MYCBP2: variants seen among roughly 807,000 people sequenced by gnomAD.
MYCBP2 encodes the protein MYC binding protein 2.
MYCBP2 carries 120 observed loss-of-function variants against 525.3 expected under a neutral mutation model. The observed-to-expected ratio is 0.23, with a 90% CI of 0.20 to 0.27. The LOEUF is 0.27. Ranked by LOEUF, MYCBP2 falls within the 10% of genes least tolerant of loss-of-function variation. The pLI is 1.00. For missense variants in MYCBP2, 4,149 were observed against 5,657.1 expected (o/e 0.73, Z 8.55); for synonymous variants, 1,894 against 1,955.8 (o/e 0.97, Z 0.83).
intron 52 of MYCBP2, among the ~76,000 whole-genome samples, chr13:77,130,593 G>C (rs890955585): frequency 2.0e-5 from 3 of 151,896 alleles, no homozygotes; most frequent in African/African-American, 7.3e-5. Context: ...AAGTGGATAG[G>C]GAATACGTCC....
intron 52 of MYCBP2, among the ~76,000 whole-genome samples, chr13:77,132,500 C>T (rs987575303): frequency 6.6e-6 from 1 of 152,064 alleles, no homozygotes; most frequent in Non-Finnish European, 1.5e-5. Context: ...TATGTGAACA[C>T]CCATCAGCCT....
intron 60 of MYCBP2, 42 bp downstream of exon 60, chr13:77,090,064 G>A: frequency 1.3e-6 from 2 of 1,497,652 alleles, no homozygotes; most frequent in South Asian, 1.4e-5. Flanking sequence ...TTTATTTGTA[G>A]TAGTCAGATC....
chr13:77,047,679 A>C lies in MYCBP2; in HGVS notation c.13922-2186T>G, dbSNP rs191171952. Among the ~76,000 whole-genome samples, 89 of 152,314 alleles carry C rather than the reference A, an allele frequency of 5.8e-4. 1 individual carries two copies. In the East Asian group the frequency reaches 0.016, roughly 27 times the overall value. On this transcript the variant is annotated intron_variant, in intron 82 of 82. Transcript: ENST00000544440. ...CCTAAAGACATGCCCACGGCTGCACAGACAGAAAAACCTTCAATCAGATAA... is the reference window on the plus strand; with the variant it reads ...CCTAAAGACATGCCCACGGCTGCACCGACAGAAAAACCTTCAATCAGATAA...
intron 18 of MYCBP2, among the ~76,000 whole-genome samples, chr13:77,229,599 A>G (rs978194904): frequency 6.6e-6 from 1 of 152,218 alleles, no homozygotes; most frequent in Non-Finnish European, 1.5e-5. Context: ...GAGGATTTAT[A>G]TGTGCAAAGA....
chr13:77,295,629 T>C (rs1432628137), intron 2 of MYCBP2, among the ~76,000 whole-genome samples: 2 of 152,222 alleles, frequency 1.3e-5, no homozygotes, highest in East Asian at 1.9e-4. Flanking sequence ...AGCAAATCTA[T>C]TGTTTCTTTA....
intron 26 of MYCBP2, among the ~76,000 whole-genome samples, chr13:77,199,100 G>A (rs924271013): frequency 3.9e-5 from 6 of 152,204 alleles, no homozygotes; most frequent in Admixed American, 6.5e-5. Context: ...CACAGAAGAC[G>A]GGTGATTTCT....
At chr13:77,257,189 T>C (rs2072386544) in intron 14 of MYCBP2, among the ~76,000 whole-genome samples, 1 of 152,058 alleles carries the variant, frequency 6.6e-6, no homozygotes, top group Non-Finnish European at 1.5e-5. Flanking sequence ...ATTAAAACAA[T>C]TGAACTCATG....
rs1362092537 is a variant in MYCBP2, at chr13:77,251,369, C to G, written c.2177-14G>C. On this transcript the variant is annotated splice_polypyrimidine_tract_variant and intron_variant, in intron 14 of 82. Coordinates refer to ENST00000544440, the MANE Select transcript of MYCBP2 (RefSeq NM_015057.5). ...CAACTCCAAACCCTATTTGACAGATCAATTTGTAATTTTTATACAGGTTAC... is the reference window on the plus strand; with the variant it reads ...CAACTCCAAACCCTATTTGACAGATGAATTTGTAATTTTTATACAGGTTAC... 7 of 1,610,468 alleles carry G rather than the reference C, an allele frequency of 4.3e-6. No individual in the cohort carries two copies. Among genetic ancestry groups the G allele is most frequent in the Non-Finnish European group, 5.1e-6 (6 of 1,177,446 alleles).
intron 52 of MYCBP2, among the ~76,000 whole-genome samples, chr13:77,138,138 C>T (rs565732849): frequency 1.5e-4 from 23 of 152,178 alleles, no homozygotes; most frequent in South Asian, 6.3e-4. Flanking sequence ...ACTTAACCTC[C>T]GTAAAGCAGT....
At position 77,157,941 on chromosome 13, in the gene MYCBP2, C is replaced by A. The variant is rs866194031; in HGVS notation, c.6766G>T (p.Ala2256Ser). Residue 2256 changes from alanine to serine, a missense_variant, in exon 45 of 83, where the codon GCA (alanine) becomes TCA (serine). Ala to Ser is a moderately conservative substitution (Grantham distance 99). Coordinates refer to ENST00000544440, the MANE Select transcript of MYCBP2 (RefSeq NM_015057.5). ...AGTAACTTAAAGTACATTTACCTTG[C>A]AAGCCTTCCACCACTTGATCCTGGG... ...CVPGSSGGRL[A>S]RWLQPDSYAD... 1 of 1,609,746 alleles carries A rather than the reference C, an allele frequency of 6.2e-7. No individual in the cohort carries two copies. The highest frequency in any genetic ancestry group is 8.5e-7 in the Non-Finnish European group (1 of 1,178,680).
At chr13:77,306,683 C>G (rs1487020168) in intron 1 of MYCBP2, among the ~76,000 whole-genome samples, 3 of 152,124 alleles carry the variant, frequency 2.0e-5, no homozygotes, top group Admixed American at 6.5e-5. Flanking sequence ...AAACTCAAGC[C>G]TTGAAGCAAT....
intron 35 of MYCBP2, among the ~76,000 whole-genome samples, chr13:77,177,159 A>G (rs1247130413): frequency 1.3e-5 from 2 of 151,882 alleles, no homozygotes; most frequent in Admixed American, 1.3e-4. Context: ...AAAAAAAAAA[A>G]AAAACTACTC....
In MYCBP2 at chr13:77,296,654, T is replaced by G; in HGVS notation, c.323A>C (p.Lys108Thr). 6.7e-7 allele frequency: 1 copy of G among 1,485,608 alleles called. No homozygotes were observed. The highest frequency in any genetic ancestry group is 9.1e-7 in the Non-Finnish European group (1 of 1,093,480). 92.0% of individuals were successfully genotyped at this position (1,485,608 alleles called of 1,614,324 possible). A position where few individuals can be genotyped will look rare whatever the true frequency, so the allele number is the denominator to read the frequency against. Residue 108 changes from lysine to threonine, a missense_variant, in exon 2 of 83, where the codon AAG becomes ACG. This residue lies in a region of MYCBP2 where 413 missense variants were observed against 451.2 expected (regional missense o/e 0.92). Transcript: ENST00000544440. The stretch of plus-strand genomic sequence containing the variant: ...CTTCTGTTTTCTTTTCAATTTCTTC[T>G]TATTTAAAATTTTCTTATTCCTAAA... Reference protein sequence around the residue: ...PASRNKKILNKKKLKRKQKSK... With the variant: ...PASRNKKILNTKKLKRKQKSK...
chr13:77,210,541 T>C (rs972053972), intron 23 of MYCBP2, among the ~76,000 whole-genome samples: 9 of 152,230 alleles, frequency 5.9e-5, no homozygotes, highest in African/African-American at 1.9e-4. Flanking sequence ...CTTGAGTCTC[T>C]TTTGTGCCTT....
chr13:77,058,125 C>G lies in MYCBP2; in HGVS notation c.13329+93G>C, dbSNP rs879324677. The G allele has an allele frequency of 9.5e-5, 133 of 1,400,712 alleles. No individual in the cohort carries two copies. Among genetic ancestry groups the G allele is most frequent in the Non-Finnish European group, 1.3e-4 (129 of 1,022,094 alleles). The allele number at this position is 1,400,712 out of a possible 1,614,324, so 86.8% of individuals were successfully genotyped here. On this transcript the variant is annotated intron_variant, in intron 78 of 82. Coordinates refer to ENST00000544440, the MANE Select transcript of MYCBP2 (RefSeq NM_015057.5). The surrounding 1 kb of genome is among the most constrained non-coding windows in gnomAD (Gnocchi z 4.1). ...AAAGTGCTGGGATTACAGGCATGAG[C>G]CACTGCGCCCGGCCTCAATCAATGT...
At chr13:77,158,964 T>C (rs549447315) in intron 44 of MYCBP2, among the ~76,000 whole-genome samples, 3 of 152,284 alleles carry the variant, frequency 2.0e-5, no homozygotes, top group Admixed American at 1.3e-4. Context: ...GACAAGCAAG[T>C]CTTATGTTTT....
rs1004111243 is a variant in MYCBP2, at chr13:77,058,716, G to A, written c.13141-310C>T. ...AGCAAAAAGTTCCTGGCTGGGAGTC[G>A]TGGCTTACACCTGTAATCCCAGCAC... is the stretch of plus-strand genomic sequence containing the variant. On this transcript the variant is annotated intron_variant, in intron 77 of 82. Coordinates refer to ENST00000544440, the MANE Select transcript of MYCBP2 (RefSeq NM_015057.5). The surrounding 1 kb of genome is among the most constrained non-coding windows in gnomAD (Gnocchi z 4.1). Among the ~76,000 whole-genome samples the A allele has an allele frequency of 3.3e-5, 5 of 152,020 alleles. No homozygotes were observed. Among genetic ancestry groups the A allele is most frequent in the African/African-American group, 4.8e-5 (2 of 41,360 alleles).
At chr13:77,113,475 G>A (rs1237623049) in intron 55 of MYCBP2, among the ~76,000 whole-genome samples, 5 of 151,758 alleles carry the variant, frequency 3.3e-5, no homozygotes, top group Non-Finnish European at 7.4e-5. Flanking sequence ...CTTAACAAAA[G>A]CAGGTGAATA....
rs558634303 is a variant in MYCBP2 at position 77,205,337 on chromosome 13, T to C, written c.3762A>G (p.Ile1254Met). ...AAATATCAGTGTCGGCACTGAAACG[T>C]ATAGCTTCTACTGAATGGGCAGAAT... Reference protein sequence around the residue: ...WGYSAHSVEAIRFSADTDILL... With the variant: ...WGYSAHSVEAMRFSADTDILL... The change falls in exon 26 of 83, where the codon ATA (isoleucine) becomes ATG (methionine). Residue 1254 changes from isoleucine (I) to methionine (M), a missense_variant. By Grantham distance (10) the Ile-to-Met change is conservative. Transcript: ENST00000544440. 5.6e-6 allele frequency: 9 copies of C among 1,613,828 alleles called. No individual in the cohort carries two copies. The highest frequency in any genetic ancestry group is 7.6e-6 in the Non-Finnish European group (9 of 1,179,832).
Sources: allele counts gnomAD v4.1 joint callset (sites outside exome capture counted in the v4.1 genomes callset), GRCh38; gene constraint gnomAD v4.1.1; regional missense constraint gnomAD v4.1.1; non-coding constraint Gnocchi (gnomAD v3.1); transcripts MANE v1.5; gene names NCBI Gene and HGNC (gene_info 2026-07-23, HGNC 2026-07-21).